The following TMOD3 variants were observed in gnomAD, a reference collection of about 807,000 sequenced individuals.
The protein encoded by TMOD3 is tropomodulin 3.
Under a neutral mutation model 39.2 loss-of-function variants are expected in TMOD3, and 20 were observed. The ratio of observed to expected loss-of-function variants is 0.51; its 90% CI spans 0.36 to 0.74. TMOD3 has a LOEUF of 0.74. Ranked by LOEUF, TMOD3 falls within the 30% of genes least tolerant of loss-of-function variation. TMOD3 has a pLI of 0.00. For synonymous variants in TMOD3, 143 were observed against 145.8 expected (o/e 0.98, Z 0.14); for missense variants, 381 against 412.8 (o/e 0.92, Z 0.67).
At chr15:51,867,606 C>T (rs544636676) in intron 2 of TMOD3, among the ~76,000 whole-genome samples, 1 of 152,200 alleles carries the variant, frequency 6.6e-6, no homozygotes, top group Non-Finnish European at 1.5e-5. Flanking sequence ...TTTTCTATTA[C>T]TATTGCCCAT....
intron 1 of TMOD3, among the ~76,000 whole-genome samples, chr15:51,855,306 C>G (rs1392078498): frequency 6.6e-6 from 1 of 152,228 alleles, no homozygotes; most frequent in African/African-American, 2.4e-5. Flanking sequence ...TGCAGATTAT[C>G]TGCCCACCCC....
At chr15:51,862,744 GA>G in intron 1 of TMOD3, 66 bp from the exon 2 acceptor site, 4 of 669,550 alleles carry the variant, frequency 6.0e-6, no homozygotes, top group Non-Finnish European at 9.2e-6. Context: ...CACTTAACCT[GA>G]GAATTAGATC....
chr15:51,859,501 CT>C, intron 1 of TMOD3: 4 of 643,132 alleles, frequency 6.2e-6, no homozygotes, highest in East Asian at 4.0e-5. Flanking sequence ...ACAGCTCTGG[CT>C]TTTTTGTAGC....
At chr15:51,867,485 T>C (rs2141688038) in intron 2 of TMOD3, among the ~76,000 whole-genome samples, 2 of 152,278 alleles carry the variant, frequency 1.3e-5, no homozygotes, top group Middle Eastern at 6.8e-3. Flanking sequence ...TTCTGTGTAG[T>C]AGGTACCATT....
chr15:51,861,031 CA>C (rs1403136014), intron 1 of TMOD3: 1 of 714,180 alleles, frequency 1.4e-6, no homozygotes, highest in African/African-American at 1.8e-5. Flanking sequence ...ACCTGGTGTA[CA>C]ATAGAATTCT....
At chr15:51,879,015 A>C (rs2056519273) in intron 3 of TMOD3, among the ~76,000 whole-genome samples, 2 of 152,342 alleles carry the variant, frequency 1.3e-5, no homozygotes, top group African/African-American at 2.4e-5. Context: ...TTGGTATCAG[A>C]GCAAAAGAGA....
chr15:51,832,647 C>T (rs149771670), intron 1 of TMOD3, among the ~76,000 whole-genome samples: 3 of 152,108 alleles, frequency 2.0e-5, no homozygotes, highest in African/African-American at 7.2e-5. Context: ...GCCTGGGCAA[C>T]ATAGCAAGAC....
chr15:51,836,242 A>G (rs1187768734), intron 1 of TMOD3, among the ~76,000 whole-genome samples: 2 of 152,018 alleles, frequency 1.3e-5, no homozygotes, highest in African/African-American at 2.4e-5. Context: ...ATTTTAGAAC[A>G]TTTTCATCAC....
intron 1 of TMOD3, among the ~76,000 whole-genome samples, chr15:51,841,910 C>T (rs542224570): frequency 2.2e-4 from 34 of 152,160 alleles, no homozygotes; most frequent in East Asian, 1.3e-3. Context: ...GCTGGGATTA[C>T]AGGCATGGGC....
At chr15:51,845,757 A>G (rs1467224725) in intron 1 of TMOD3, among the ~76,000 whole-genome samples, 2 of 152,086 alleles carry the variant, frequency 1.3e-5, no homozygotes. Context: ...AAAAAATAAA[A>G]CAAGGAAAGA....
At chr15:51,899,727 C>A (rs2056640015) in intron 7 of TMOD3, among the ~76,000 whole-genome samples, 1 of 151,278 alleles carries the variant, frequency 6.6e-6, no homozygotes, top group South Asian at 2.1e-4. Context: ...AACTTCAGAT[C>A]AAAAATATTT....
intron 9 of TMOD3, among the ~76,000 whole-genome samples, chr15:51,905,799 C>T (rs1176481032): frequency 6.6e-6 from 1 of 151,574 alleles, no homozygotes; most frequent in Non-Finnish European, 1.5e-5. Flanking sequence ...AAAAAATTAG[C>T]TGGGCGCGGT....
intron 3 of TMOD3, among the ~76,000 whole-genome samples, chr15:51,885,826 G>A (rs959056242): frequency 7.3e-5 from 11 of 151,002 alleles, no homozygotes; most frequent in South Asian, 2.1e-4. Flanking sequence ...ACGGGGTGGC[G>A]GCCGGACAGA....
intron 1 of TMOD3, among the ~76,000 whole-genome samples, chr15:51,847,019 A>T (rs1051236483): frequency 3.9e-5 from 6 of 152,170 alleles, no homozygotes; most frequent in African/African-American, 1.4e-4. Flanking sequence ...CTGCAGCTCC[A>T]CTAAGAAGAA....
intron 1 of TMOD3, chr15:51,833,506 A>G (rs532551841): frequency 1.3e-5 from 2 of 152,216 alleles, no homozygotes; most frequent in Non-Finnish European, 2.9e-5. Context: ...GTCACCCTAG[A>G]AAGTTCCCTC....
At chr15:51,864,157 T>G (rs2056433176) in intron 2 of TMOD3, among the ~76,000 whole-genome samples, 1 of 150,746 alleles carries the variant, frequency 6.6e-6, no homozygotes, top group South Asian at 2.1e-4. Context: ...CCCAGGCTAC[T>G]TGGGAAGTGG....
At chr15:51,871,552 A>G (rs1239755846) in intron 3 of TMOD3, among the ~76,000 whole-genome samples, 1 of 152,196 alleles carries the variant, frequency 6.6e-6, no homozygotes, top group Non-Finnish European at 1.5e-5. Flanking sequence ...AGAGACCTGA[A>G]AGAAAGCTGC....
At chr15:51,877,164 A>G (rs1032814187) in intron 3 of TMOD3, among the ~76,000 whole-genome samples, 1 of 152,222 alleles carries the variant, frequency 6.6e-6, no homozygotes, top group African/African-American at 2.4e-5. Flanking sequence ...CAATTTTATC[A>G]TCTATCATTG....
intron 2 of TMOD3, among the ~76,000 whole-genome samples, chr15:51,868,316 G>A (rs200596741): frequency 4.7e-5 from 3 of 63,360 alleles, no homozygotes; most frequent in South Asian, 4.3e-4. Context: ...TAAAAAAAAC[G>A]TTTTAAGTTC....
Sources: allele counts gnomAD v4.1 joint callset (sites outside exome capture counted in the v4.1 genomes callset), GRCh38; gene constraint gnomAD v4.1.1; transcripts MANE v1.5; gene names NCBI Gene and HGNC (gene_info 2026-07-23, HGNC 2026-07-21).